Variants in IMPA1 observed in about 807,000 individuals in gnomAD.
IMPA1 encodes the protein inositol monophosphatase 1.
A neutral mutation model predicts 34.9 loss-of-function variants in IMPA1; 21 were observed. That is an observed-to-expected ratio of 0.60 (90% CI 0.43 to 0.87). The LOEUF (loss-of-function observed/expected upper bound fraction) is 0.87, where lower values mean the gene tolerates loss of function less well. Ranked by LOEUF, IMPA1 falls within the 40% of genes least tolerant of loss-of-function variation. The pLI is 0.00. For missense variants in IMPA1, 299 were observed against 336.4 expected (o/e 0.89, Z 0.87); for synonymous variants, 95 against 104.4 (o/e 0.91, Z 0.55).
intron 7 of IMPA1, among the ~76,000 whole-genome samples, chr8:81,664,920 T>G (rs955096507): frequency 6.8e-6 from 1 of 147,510 alleles, no homozygotes; most frequent in African/African-American, 2.5e-5. Flanking sequence ...AGTGAAAACT[T>G]AAGGACCCTG....
chr8:81,682,086 T>C (rs180714545), intron 1 of IMPA1, among the ~76,000 whole-genome samples: 1 of 152,254 alleles, frequency 6.6e-6, no homozygotes, highest in East Asian at 1.9e-4. Flanking sequence ...AGAACTTGAA[T>C]TCAATTCTGA....
intron 7 of IMPA1, among the ~76,000 whole-genome samples, chr8:81,668,490 G>C (rs1224970783): frequency 6.6e-6 from 1 of 152,072 alleles, no homozygotes; most frequent in African/African-American, 2.4e-5. Flanking sequence ...CTACTTGGGA[G>C]GCTGAAGTAG....
chr8:81,681,540 T>C lies in IMPA1; in HGVS notation c.21A>G (p.Glu7=). 1.2e-6 allele frequency: 2 copies of C among 1,609,514 alleles called. No homozygotes were observed. Among genetic ancestry groups the C allele is most frequent in the South Asian group, 1.1e-5 (1 of 90,988 alleles). Reference sequence around the variant, plus strand: ...CTAGAGTTACTGCATAATCCATGCATTCCTGCCAAGGATCAGCCATCTTCT... The same window carrying C: ...CTAGAGTTACTGCATAATCCATGCACTCCTGCCAAGGATCAGCCATCTTCT... MADPWQ[E]CMDYAVTLAR... is the part of the protein sequence containing the mutation. Residue 7 remains glutamate, a synonymous_variant, in exon 2 of 9, where the codon GAA becomes GAG. Transcript: ENST00000256108.
chr8:81,685,085 A>T (rs891599099), intron 1 of IMPA1, among the ~76,000 whole-genome samples: 1 of 136,528 alleles, frequency 7.3e-6, no homozygotes, highest in South Asian at 2.3e-4. Flanking sequence ...TATACTATAA[A>T]TAAGTATATT....
At chr8:81,663,907 C>T (rs532959461) in intron 7 of IMPA1, among the ~76,000 whole-genome samples, 24 of 152,028 alleles carry the variant, frequency 1.6e-4, no homozygotes, top group African/African-American at 5.5e-4. Flanking sequence ...GGCGTGGTGG[C>T]GGGCACCTGT....
In IMPA1 at chr8:81,657,661, G is replaced by A. The variant is rs955257525; in HGVS notation, c.*1690C>T. ...TAATGTAAATATCATGGCCTGGCTC[G>A]GTGGCTCACATCTGTAATCCCAGCA... On this transcript the variant is annotated 3_prime_UTR_variant, in exon 9 of 9. Transcript: ENST00000256108. 6.0e-5 allele frequency among the ~76,000 whole-genome samples: 9 copies of A among 150,898 alleles called. No homozygotes were observed. Among genetic ancestry groups the A allele is most frequent in the South Asian group, 2.1e-4 (1 of 4,716 alleles).
At chr8:81,669,368 T>G (rs1806924966) in intron 7 of IMPA1, among the ~76,000 whole-genome samples, 2 of 152,338 alleles carry the variant, frequency 1.3e-5, no homozygotes, top group South Asian at 2.1e-4. Flanking sequence ...CCATATGGGC[T>G]GTACCCTGCA....
chr8:81,679,241 A>G lies in IMPA1; in HGVS notation c.198-11T>C. The G allele has an allele frequency of 1.3e-6, 2 of 1,543,690 alleles. No individual in the cohort carries two copies. The highest frequency in any genetic ancestry group is 1.4e-5 in the African/African-American group (1 of 73,616). On this transcript the variant is annotated splice_polypyrimidine_tract_variant and intron_variant, in intron 3 of 8. Coordinates refer to ENST00000256108, the MANE Select transcript of IMPA1 (RefSeq NM_005536.4). ...TCTTCACCAATGAAACTAAAAGCCA[A>G]GTAGGACAAACTCTTAATCTTTACA...
chr8:81,680,675 T>C lies in IMPA1; in HGVS notation c.172A>G (p.Ile58Val), dbSNP rs1033448781. Reference protein sequence around the residue: ...QKVEKMLISSIKEKYPSHSFI... With the variant: ...QKVEKMLISSVKEKYPSHSFI... Reference sequence around the variant, plus strand: ...CTGTGAGATGGATACTTTTCCTTTATGGAAGAGATAAGCATTTTTTCAACT... The same window carrying C: ...CTGTGAGATGGATACTTTTCCTTTACGGAAGAGATAAGCATTTTTTCAACT... The change falls in exon 3 of 9, where the codon ATA becomes GTA. Residue 58 changes from isoleucine (I) to valine (V), a missense_variant. Transcript: ENST00000256108. The C allele has an allele frequency of 2.0e-5, 32 of 1,611,634 alleles. No homozygotes were observed. Among genetic ancestry groups the C allele is most frequent in the Non-Finnish European group, 2.6e-5 (31 of 1,178,680 alleles).
chr8:81,679,996 G>A (rs956456406), intron 3 of IMPA1, among the ~76,000 whole-genome samples: 6 of 151,810 alleles, frequency 4.0e-5, no homozygotes, highest in Non-Finnish European at 5.9e-5. Flanking sequence ...TAAGCCAGGC[G>A]TGGTGGCATG....
At chr8:81,668,771 A>C (rs1269943931) in intron 7 of IMPA1, among the ~76,000 whole-genome samples, 1 of 152,072 alleles carries the variant, frequency 6.6e-6, no homozygotes, top group Admixed American at 6.5e-5. Context: ...GTTACTTCTA[A>C]AGACAATGAA....
intron 7 of IMPA1, 73 bp downstream of exon 7, chr8:81,670,866 C>T (rs1458178394): frequency 2.2e-5 from 15 of 678,990 alleles, no homozygotes; most frequent in Non-Finnish European, 3.7e-5. Flanking sequence ...TAAAATGGTA[C>T]AGGAAAAAAA....
chr8:81,677,900 G>A (rs1012607116), intron 4 of IMPA1, among the ~76,000 whole-genome samples: 1 of 152,094 alleles, frequency 6.6e-6, no homozygotes, highest in Non-Finnish European at 1.5e-5. Context: ...CACCAGAAGC[G>A]GCTACTGATT....
At position 81,657,443 on chromosome 8, in the gene IMPA1, T is replaced by C. The variant is rs1471016952; in HGVS notation, c.*1908A>G. 1.3e-5 allele frequency among the ~76,000 whole-genome samples: 2 copies of C among 151,976 alleles called. No homozygotes were observed. Among genetic ancestry groups the C allele is most frequent in the African/African-American group, 4.8e-5 (2 of 41,380 alleles). The stretch of plus-strand genomic sequence containing the variant: ...CAAAAACTAAAAAATTAGCCAGGCA[T>C]GGTGGCATGTGCCTGTGGTTCCAGT... On this transcript the variant is annotated 3_prime_UTR_variant, in exon 9 of 9. Coordinates refer to ENST00000256108, the MANE Select transcript of IMPA1 (RefSeq NM_005536.4).
chr8:81,674,835 G>C (rs765516117), intron 5 of IMPA1: 1 of 455,542 alleles, frequency 2.2e-6, no homozygotes, highest in Non-Finnish European at 4.4e-6. Flanking sequence ...TCCAAACCTA[G>C]TCTTGCAGAA....
intron 5 of IMPA1, 154 bp from the exon 6 acceptor site, chr8:81,674,103 T>A: frequency 1.8e-6 from 1 of 570,724 alleles, no homozygotes; most frequent in Admixed American, 3.0e-5. Flanking sequence ...TCCAGACTAA[T>A]CAAGAGAAAG....
At chr8:81,677,563 G>T (rs367835806) in intron 4 of IMPA1, among the ~76,000 whole-genome samples, 20 of 152,186 alleles carry the variant, frequency 1.3e-4, no homozygotes, top group African/African-American at 4.8e-4. Flanking sequence ...TCTGAACACA[G>T]GTTGTAACTG....
intron 7 of IMPA1, among the ~76,000 whole-genome samples, chr8:81,669,367 C>A (rs918438274): frequency 6.6e-6 from 1 of 152,206 alleles, no homozygotes; most frequent in Non-Finnish European, 1.5e-5. Context: ...GCCATATGGG[C>A]TGTACCCTGC....
chr8:81,673,847 G>C lies in IMPA1; in HGVS notation c.451C>G (p.Gln151Glu), dbSNP rs1223822910. 2 of 1,580,678 alleles carry C rather than the reference G, an allele frequency of 1.3e-6. No homozygotes were observed. The highest frequency in any genetic ancestry group is 2.7e-5 in the African/African-American group (2 of 74,198). ...AAATTGGAATTAATCCTACCTTCTT[G>C]TTGTGAAACTTGTAGTTTTTGACCA... ...CNGQKLQVSQ[Q>E]EDITKSLLVT... is the part of the protein sequence containing the mutation. Residue 151 changes from glutamine (Q) to glutamate (E), a missense_variant, in exon 6 of 9, where the codon CAA (glutamine) becomes GAA (glutamate). By Grantham distance (29) the Gln-to-Glu change is conservative. Coordinates refer to ENST00000256108, the MANE Select transcript of IMPA1 (RefSeq NM_005536.4).
Sources: gnomAD v4.1 joint callset for allele counts (sites outside exome capture counted in the v4.1 genomes callset) on GRCh38, gnomAD v4.1.1 for gene constraint, MANE v1.5 for transcripts, NCBI Gene and HGNC (gene_info 2026-07-23, HGNC 2026-07-21) for gene names.